Variants in SVOPL observed in about 807,000 individuals in gnomAD.
SVOPL encodes putative transporter SVOPL.
In SVOPL, 60 loss-of-function variants were observed where a neutral mutation model predicts 61.0. That is an observed-to-expected ratio of 0.98 (90% confidence interval 0.80 to 1.22). The LOEUF (loss-of-function observed/expected upper bound fraction) is 1.22. SVOPL is among the 50% of genes most tolerant of loss of function. The probability of loss-of-function intolerance (pLI) is 0.00; values close to 1 mark genes in which losing one functional copy is unlikely to be tolerated. For missense variants in SVOPL, 662 were observed against 643.9 expected, an observed-to-expected ratio of 1.03 and a Z score of -0.30; for synonymous variants, 279 against 250.0, an observed-to-expected ratio of 1.12 and a Z score of -1.09.
chr7:138,633,132 A>G (rs1462687433), intron 9 of SVOPL, among the ~76,000 whole-genome samples: 1 of 152,210 alleles, frequency 6.6e-6, no homozygotes, highest in African/African-American at 2.4e-5. Flanking sequence ...ACGCTGTTAT[A>G]GTAGCTTTCT....
At chr7:138,666,204 G>T (rs554142765) in intron 4 of SVOPL, among the ~76,000 whole-genome samples, 127 of 152,248 alleles carry the variant, frequency 8.3e-4, no homozygotes, top group African/African-American at 2.9e-3. Context: ...TACACCTATG[G>T]CCCGGCCACG....
At chr7:138,674,599 G>A (rs113403431) in intron 3 of SVOPL, among the ~76,000 whole-genome samples, 25,035 of 151,690 alleles carry the variant, frequency 0.17, 2,879 homozygotes, top group African/African-American at 0.31. Context: ...GCTCACACCT[G>A]TAATCCCAGC....
intron 1 of SVOPL, among the ~76,000 whole-genome samples, chr7:138,679,572 C>A (rs1290204946): frequency 1.3e-5 from 2 of 152,134 alleles, no homozygotes; most frequent in African/African-American, 4.8e-5. Flanking sequence ...TGTGCCCAGC[C>A]TTCCCTACTA....
Position 138,663,835 on chromosome 7 carries a change from G to A in SVOPL, c.274-690C>T, listed in dbSNP as rs149698519. 2.5e-3 allele frequency among the ~76,000 whole-genome samples: 383 copies of A among 152,244 alleles called. 3 individuals carry two copies. Among genetic ancestry groups the A allele is most frequent in the African/African-American group, 8.4e-3 (347 of 41,544 alleles). On this transcript the variant is annotated intron_variant, in intron 4 of 15. Transcript: ENST00000674285. Reference sequence around the variant, plus strand: ...CCTCCAGGGCAATCAAAGGAATGCTGTCAGCTCGCATTTCTAGGGGAAAAC... The same window carrying A: ...CCTCCAGGGCAATCAAAGGAATGCTATCAGCTCGCATTTCTAGGGGAAAAC...
chr7:138,653,860 G>T (rs1417604768), intron 7 of SVOPL, among the ~76,000 whole-genome samples: 1 of 151,560 alleles, frequency 6.6e-6, no homozygotes, highest in Non-Finnish European at 1.5e-5. Context: ...TTGAATCTGG[G>T]AGGCAGAGGT....
At chr7:138,653,416 A>C (rs1326065753) in intron 7 of SVOPL, among the ~76,000 whole-genome samples, 2 of 152,200 alleles carry the variant, frequency 1.3e-5, no homozygotes, top group Non-Finnish European at 2.9e-5. Context: ...GACGGGCTGA[A>C]TCTGTTATTA....
chr7:138,627,568 T>G, intron 11 of SVOPL, 107 bp from the exon 12 acceptor site: 1 of 794,930 alleles, frequency 1.3e-6, no homozygotes, highest in Non-Finnish European at 2.1e-6. Context: ...AGCAACTTCA[T>G]CCAAACCTCA....
chr7:138,664,290 C>A (rs1171672390), intron 4 of SVOPL: 1 of 963,350 alleles, frequency 1.0e-6, no homozygotes, highest in Non-Finnish European at 1.2e-6. Context: ...CCATCGGGCA[C>A]GCGCCTAACC....
chr7:138,685,545 TG>T (rs1211452807), intron 1 of SVOPL, among the ~76,000 whole-genome samples: 1 of 152,152 alleles, frequency 6.6e-6, no homozygotes, highest in Non-Finnish European at 1.5e-5. Context: ...GTTAACAATA[TG>T]GTATCATGCG....
intron 1 of SVOPL, among the ~76,000 whole-genome samples, chr7:138,698,207 C>A (rs1418856554): frequency 6.6e-6 from 1 of 151,332 alleles, no homozygotes; most frequent in African/African-American, 2.4e-5. Context: ...ATGGTGAAAT[C>A]GAGATTAAAC....
chr7:138,615,666 G>A (rs1202310667), intron 14 of SVOPL, among the ~76,000 whole-genome samples: 1 of 88,434 alleles, frequency 1.1e-5, no homozygotes, highest in African/African-American at 3.0e-5. Flanking sequence ...ATGGTGGCAG[G>A]TGCCTGTAGT....
chr7:138,682,156 G>T (rs1802713477), intron 1 of SVOPL, among the ~76,000 whole-genome samples: 1 of 152,180 alleles, frequency 6.6e-6, no homozygotes, highest in Non-Finnish European at 1.5e-5. Context: ...ATTAAATCAT[G>T]ACTGTTTTGC....
intron 9 of SVOPL, among the ~76,000 whole-genome samples, chr7:138,634,990 C>T (rs778776791): frequency 1.7e-4 from 26 of 151,934 alleles, no homozygotes; most frequent in Non-Finnish European, 3.1e-4. Flanking sequence ...TAATATGGGC[C>T]GGGCGCAGTG....
chr7:138,623,496 A>C (rs1045205802), intron 13 of SVOPL, among the ~76,000 whole-genome samples: 1 of 152,098 alleles, frequency 6.6e-6, no homozygotes, highest in African/African-American at 2.4e-5. Context: ...GCTACTCAGG[A>C]GGCTGAGGCA....
At chr7:138,613,385 C>T (rs565237381) in intron 14 of SVOPL, among the ~76,000 whole-genome samples, 1 of 152,242 alleles carries the variant, frequency 6.6e-6, no homozygotes, top group South Asian at 2.1e-4. Context: ...TTAAAGTTTT[C>T]CCCACTGCTC....
intron 9 of SVOPL, among the ~76,000 whole-genome samples, chr7:138,641,458 G>A (rs1800778718): frequency 6.6e-6 from 1 of 151,878 alleles, no homozygotes; most frequent in Admixed American, 6.6e-5. Context: ...ATCACCTGAG[G>A]TCAGGAGTTT....
rs1802993600 is a variant in SVOPL at position 138,693,545 on chromosome 7, G to GAAAGAAAGAA, written c.-35+7623_-35+7632dup. Among the ~76,000 whole-genome samples, 3 of 62,634 alleles carry GAAAGAAAGAA rather than the reference G, an allele frequency of 4.8e-5. No individual in the cohort carries two copies. In the South Asian group the frequency reaches 1.4e-3, roughly 28 times the overall value. The allele number at this position is 62,634 out of a possible 152,430, so 41.1% of individuals were successfully genotyped here. A position where few individuals can be genotyped will look rare whatever the true frequency, so the allele number is the denominator to read the frequency against. On this transcript the variant is annotated intron_variant, in intron 1 of 15. Transcript: ENST00000674285. ...AAAGAAAGAAAAAGAAAGAAAGAAA[G>GAAAGAAAGAA]AAAGAAAGAAAGAAAGAAAGAAAGA...
chr7:138,616,937 C>T (rs1343156294), intron 14 of SVOPL, among the ~76,000 whole-genome samples: 1 of 152,130 alleles, frequency 6.6e-6, no homozygotes, highest in Non-Finnish European at 1.5e-5. Context: ...TAGGTGCATG[C>T]CATCATGCCT....
chr7:138,639,629 A>C (rs1372865104), intron 9 of SVOPL, among the ~76,000 whole-genome samples: 3 of 152,146 alleles, frequency 2.0e-5, no homozygotes, highest in Non-Finnish European at 4.4e-5. Flanking sequence ...CAAAAAAAAA[A>C]AAAGAAAAGA....
Sources: allele counts gnomAD v4.1 joint callset (sites outside exome capture counted in the v4.1 genomes callset), GRCh38; gene constraint gnomAD v4.1.1; transcripts MANE v1.5; gene names NCBI Gene and HGNC (gene_info 2026-07-23, HGNC 2026-07-21).